HAGH: variants seen among roughly 807,000 people sequenced by gnomAD.
The protein encoded by HAGH is hydroxyacylglutathione hydrolase, also known as hydroxyacylglutathione hydrolase, mitochondrial.
HAGH carries 29 observed loss-of-function variants against 35.1 expected under a neutral mutation model. The observed-to-expected ratio is 0.83, with a 90% CI of 0.62 to 1.13. HAGH has a LOEUF of 1.13. HAGH is among the 50% of genes most tolerant of loss of function. The pLI is 0.00. For synonymous variants in HAGH, 225 were observed against 176.1 expected (o/e 1.28, Z -2.20); for missense variants, 478 against 419.6 (o/e 1.14, Z -1.22).
chr16:1,824,912 A>T (rs752723517), intron 1 of HAGH, among the ~76,000 whole-genome samples: 5 of 152,062 alleles, frequency 3.3e-5, no homozygotes, highest in Non-Finnish European at 7.4e-5. Context: ...CAACAAGCAG[A>T]GTGTGGGTGC....
rs150840931 is a variant in HAGH, at chr16:1,813,637, C to T, written c.747+3256G>A. 1.2e-3 allele frequency among the ~76,000 whole-genome samples: 184 copies of T among 152,346 alleles called. 1 individual carries two copies. The highest frequency in any genetic ancestry group is 4.0e-3 in the African/African-American group (167 of 41,580). On this transcript the variant is annotated intron_variant, in intron 7 of 8. Coordinates refer to ENST00000397356, the MANE Select transcript of HAGH (RefSeq NM_005326.6). Reference sequence around the variant, plus strand: ...AACACTCAATGTTAAGATCGCAATTCTCGCCACATCAGTTATCACAACAGT... The same window carrying T: ...AACACTCAATGTTAAGATCGCAATTTTCGCCACATCAGTTATCACAACAGT...
intron 3 of HAGH, chr16:1,821,799 A>G (rs1244308483): frequency 6.6e-6 from 1 of 152,374 alleles, no homozygotes; most frequent in Non-Finnish European, 1.5e-5. Flanking sequence ...ACGCCCAGTT[A>G]ATTTTTGTAT....
chr16:1,826,481 G>A (rs1488611505), intron 1 of HAGH: 4 of 868,596 alleles, frequency 4.6e-6, no homozygotes, highest in East Asian at 1.2e-4. Context: ...GGAGGCCGCG[G>A]CGGACGCAGG....
At chr16:1,814,956 C>CACACACACATAT (rs1439671207) in intron 7 of HAGH, among the ~76,000 whole-genome samples, 1 of 126,478 alleles carries the variant, frequency 7.9e-6, no homozygotes, top group Non-Finnish European at 1.7e-5. Flanking sequence ...CACACACACA[C>CACACACACATAT]ATATATATAT....
chr16:1,812,798 G>T (rs1196847218), intron 7 of HAGH, among the ~76,000 whole-genome samples: 1 of 152,210 alleles, frequency 6.6e-6, no homozygotes, highest in African/African-American at 2.4e-5. Context: ...GCCGCAGAAT[G>T]GGAGGCGCCC....
chr16:1,820,187 G>A (rs1351568583), intron 3 of HAGH, among the ~76,000 whole-genome samples, 173 bp from the exon 4 acceptor site: 1 of 151,958 alleles, frequency 6.6e-6, no homozygotes, highest in Non-Finnish European at 1.5e-5. Flanking sequence ...ACAGACACCT[G>A]GATGATCCTG....
At chr16:1,826,144 C>T (rs980538700) in intron 1 of HAGH, among the ~76,000 whole-genome samples, 1 of 152,180 alleles carries the variant, frequency 6.6e-6, no homozygotes, top group Non-Finnish European at 1.5e-5. Context: ...AGGGACGCCT[C>T]CCTGTCTGCG....
rs1425071777 is a variant in HAGH at position 1,816,948 on chromosome 16, G to A, written c.692C>T (p.Ala231Val). The A allele has an allele frequency of 3.1e-6, 5 of 1,613,700 alleles. No homozygotes were observed. Among genetic ancestry groups the A allele is most frequent in the Admixed American group, 1.7e-5 (1 of 60,010 alleles). ...GGCATTGCCGGGCTCCACGTGGCGTGCAAACTTGAGGTTGTTGATGGTGTA... is the reference window on the plus strand; with the variant it reads ...GGCATTGCCGGGCTCCACGTGGCGTACAAACTTGAGGTTGTTGATGGTGTA... ...HEYTINNLKF[A>V]RHVEPGNAAI... The change falls in exon 7 of 9, where the codon GCA becomes GTA. Residue 231 changes from alanine (A) to valine (V), a missense_variant. Transcript: ENST00000397356.
At chr16:1,811,087 T>G (rs970452207) in intron 7 of HAGH, among the ~76,000 whole-genome samples, 11 of 152,206 alleles carry the variant, frequency 7.2e-5, no homozygotes, top group African/African-American at 2.7e-4. Flanking sequence ...CTAGCTATTT[T>G]TCCTACAAAG....
In HAGH at chr16:1,816,981, C is replaced by T; in HGVS notation, c.659G>A (p.Gly220Asp). 5 of 1,610,298 alleles carry T rather than the reference C, an allele frequency of 3.1e-6. No homozygotes were observed. The highest frequency in any genetic ancestry group is 4.2e-6 in the Non-Finnish European group (5 of 1,176,522). The change falls in exon 7 of 9, where the codon GGC (glycine) becomes GAC (aspartate). Residue 220 changes from glycine to aspartate, a missense_variant. Gly to Asp is a moderately conservative substitution (Grantham distance 94). Transcript: ENST00000397356. ...RLPPDTRVYC[G>D]HEYTINNLKF... ...GAGGTTGTTGATGGTGTACTCGTGGCCACAGTAGACTCTCTGAGGAGAGAG... is the reference window on the plus strand; with the variant it reads ...GAGGTTGTTGATGGTGTACTCGTGGTCACAGTAGACTCTCTGAGGAGAGAG...
In HAGH at chr16:1,809,225, G is replaced by T; in HGVS notation, c.*58C>A. ...CTGAATTTCCCGCACGGACCAGCAG[G>T]AAAGCCAGTTACCTAAAAGAGCCTA... On this transcript the variant is annotated 3_prime_UTR_variant, in exon 9 of 9. Transcript: ENST00000397356. The T allele has an allele frequency of 8.5e-7, 1 of 1,182,910 alleles. No homozygotes were observed. Among genetic ancestry groups the T allele is most frequent in the Non-Finnish European group, 1.2e-6 (1 of 809,250 alleles). 73.3% of individuals were successfully genotyped at this position (1,182,910 alleles called of 1,614,324 possible).
chr16:1,814,614 T>C (rs1217443136), intron 7 of HAGH, among the ~76,000 whole-genome samples: 2 of 151,822 alleles, frequency 1.3e-5, no homozygotes, highest in Non-Finnish European at 2.9e-5. Context: ...TAAATATATA[T>C]CTCAGCTGGG....
Position 1,807,971 on chromosome 16 carries a change from G to A in HAGH, c.*1312C>T, listed in dbSNP as rs1897478048. On this transcript the variant is annotated 3_prime_UTR_variant, in exon 9 of 9. Coordinates refer to ENST00000397356, the MANE Select transcript of HAGH (RefSeq NM_005326.6). Reference sequence around the variant, plus strand: ...TGTCTATAGGACCAGGTGGCAGAGGGTGTGGGCCCCACACAGAGTCACCTC... The same window carrying A: ...TGTCTATAGGACCAGGTGGCAGAGGATGTGGGCCCCACACAGAGTCACCTC... 1.3e-5 allele frequency: 2 copies of A among 152,410 alleles called. No homozygotes were observed. The highest frequency in any genetic ancestry group is 4.2e-4 in the South Asian group (2 of 4,802). 9.4% of individuals were successfully genotyped at this position (152,410 alleles called of 1,614,324 possible). A position where few individuals can be genotyped will look rare whatever the true frequency, so the allele number is the denominator to read the frequency against.
At position 1,809,830 on chromosome 16, in the gene HAGH, TCTC is replaced by T. The variant is rs1341848951; in HGVS notation, c.748_750del (p.Glu250del). 5.0e-6 allele frequency: 8 copies of T among 1,612,674 alleles called. No individual in the cohort carries two copies. The highest frequency in any genetic ancestry group is 2.2e-5 in the East Asian group (1 of 44,882). ...ACTGTGGGCTCCCCGATGCTGTACT[TCTC>T]CTGCAAGAGAAACGCACCACTTTAT... On this transcript the variant is annotated inframe_deletion and splice_region_variant, in exon 8 of 9. Transcript: ENST00000397356.
chr16:1,814,681 C>T (rs1177778531), intron 7 of HAGH, among the ~76,000 whole-genome samples: 12 of 149,456 alleles, frequency 8.0e-5, no homozygotes, highest in African/African-American at 2.9e-4. Context: ...GGGTGGATCA[C>T]GAGGTCAGGA....
intron 1 of HAGH, chr16:1,826,456 G>T: frequency 3.0e-6 from 2 of 676,066 alleles, no homozygotes; most frequent in Non-Finnish European, 3.6e-6. Flanking sequence ...GGCGCGGCCG[G>T]CCCAGCCCGA....
chr16:1,822,291 G>C lies in HAGH; in HGVS notation c.314+9C>G, dbSNP rs753913600. 1.9e-6 allele frequency: 3 copies of C among 1,595,528 alleles called. No homozygotes were observed. The highest frequency in any genetic ancestry group is 2.2e-5 in the South Asian group (2 of 90,708). On this transcript the variant is annotated intron_variant, in intron 3 of 8. Coordinates refer to ENST00000397356, the MANE Select transcript of HAGH (RefSeq NM_005326.6). ...GGTCCCACACCCCCAGGTGAGACGC[G>C]GCACTTACCAGTGGTGGTGGGTGGT...
At chr16:1,817,306 T>C (rs1393930667) in intron 5 of HAGH, 35 bp from the exon 6 acceptor site, 2 of 1,332,294 alleles carry the variant, frequency 1.5e-6, no homozygotes, top group African/African-American at 1.4e-5. Context: ...TGGGGGCCAC[T>C]TGAGGCTGGT....
intron 1 of HAGH, 89 bp from the exon 2 acceptor site, chr16:1,823,126 G>A (rs1281886341): frequency 8.5e-7 from 1 of 1,174,344 alleles, no homozygotes; most frequent in African/African-American, 1.5e-5. Context: ...AGCCTTTCTA[G>A]GTTCCTTTGA....
Sources: allele counts gnomAD v4.1 joint callset (sites outside exome capture counted in the v4.1 genomes callset), GRCh38; gene constraint gnomAD v4.1.1; transcripts MANE v1.5; gene names NCBI Gene and HGNC (gene_info 2026-07-23, HGNC 2026-07-21).